Variants in ANKS1A observed in about 807,000 individuals in gnomAD.
ANKS1A encodes the protein ankyrin repeat and sterile alpha motif domain containing 1A.
In ANKS1A, 55 loss-of-function variants were observed where a neutral mutation model predicts 120.3. The ratio of observed to expected loss-of-function variants is 0.46; its 90% CI spans 0.37 to 0.57. ANKS1A has a LOEUF of 0.57. Ranked by LOEUF, ANKS1A falls within the 20% of genes least tolerant of loss-of-function variation. The pLI, the probability that ANKS1A is intolerant of heterozygous loss-of-function variation, is 0.00. For missense variants in ANKS1A, 1,123 were observed against 1,480.3 expected, an observed-to-expected ratio of 0.76 and a Z score of 3.96; for synonymous variants, 590 against 604.7, an observed-to-expected ratio of 0.98 and a Z score of 0.36.
chr6:34,898,845 G>T (rs1581662389), intron 1 of ANKS1A, among the ~76,000 whole-genome samples: 1 of 152,184 alleles, frequency 6.6e-6, no homozygotes, highest in Admixed American at 6.5e-5. Context: ...TTAAATGGAT[G>T]TGATATCCGT....
rs552186027 is a variant in ANKS1A at position 34,943,862 on chromosome 6, G to A, written c.198-23377G>A. On this transcript the variant is annotated intron_variant, in intron 1 of 23. Coordinates refer to ENST00000360359, the MANE Select transcript of ANKS1A (RefSeq NM_015245.3). ...ATGAATAGAGCTGCTATAAACATTT[G>A]TGTGCAAGTTTTGGTGCAGACATAA... is the stretch of plus-strand genomic sequence containing the variant. Among the ~76,000 whole-genome samples the A allele has an allele frequency of 5.6e-4, 85 of 152,326 alleles. No individual in the cohort carries two copies. The South Asian group carries it at 0.016, about 29-fold the overall frequency.
chr6:34,995,638 A>G (rs1252166526), intron 10 of ANKS1A, among the ~76,000 whole-genome samples: 1 of 152,178 alleles, frequency 6.6e-6, no homozygotes, highest in Non-Finnish European at 1.5e-5. Flanking sequence ...CTTTTCCAGA[A>G]TGTCATATAA....
chr6:34,986,335 AGG>A (rs933258327), intron 8 of ANKS1A, among the ~76,000 whole-genome samples: 14 of 152,262 alleles, frequency 9.2e-5, no homozygotes, highest in Non-Finnish European at 4.4e-5. Context: ...CTTCTCCCCT[AGG>A]GTTATGTTGG....
At chr6:35,015,932 C>T (rs1581648031) in intron 10 of ANKS1A, among the ~76,000 whole-genome samples, 1 of 152,200 alleles carries the variant, frequency 6.6e-6, no homozygotes, top group African/African-American at 2.4e-5. Context: ...GGCTTTGGGC[C>T]TTCAGGCATG....
intron 1 of ANKS1A, among the ~76,000 whole-genome samples, chr6:34,930,273 G>C (rs975921180): frequency 3.9e-5 from 6 of 152,148 alleles, no homozygotes; most frequent in African/African-American, 1.4e-4. Flanking sequence ...GGACTTAGAG[G>C]TGGTAGGTAC....
In ANKS1A at chr6:35,029,597, A is replaced by T. The variant is rs754335396; in HGVS notation, c.2010+11538A>T. On this transcript the variant is annotated intron_variant, in intron 11 of 23. Coordinates refer to ENST00000360359, the MANE Select transcript of ANKS1A (RefSeq NM_015245.3). ...ACTCCTGACCTCAGGTGATCCACCCACCTGGGCCTCCCAAATTGCTGGGAT... is the reference window on the plus strand; with the variant it reads ...ACTCCTGACCTCAGGTGATCCACCCTCCTGGGCCTCCCAAATTGCTGGGAT... 7.3e-5 allele frequency among the ~76,000 whole-genome samples: 11 copies of T among 151,518 alleles called. No individual in the cohort carries two copies. The East Asian group carries it at 2.1e-3, about 29-fold the overall frequency.
Position 34,982,006 on chromosome 6 carries a change from C to T in ANKS1A, c.732+20C>T, listed in dbSNP as rs921841616. On this transcript the variant is annotated intron_variant, in intron 4 of 23. Coordinates refer to ENST00000360359, the MANE Select transcript of ANKS1A (RefSeq NM_015245.3). The surrounding 1 kb of genome is among the most constrained non-coding windows in gnomAD (Gnocchi z 4.9). Reference sequence around the variant, plus strand: ...TACCAGGTAGCAGGGCGGGTGGGGGCTCCTCCAATCTCAAGAGACTCAGTC... The same window carrying T: ...TACCAGGTAGCAGGGCGGGTGGGGGTTCCTCCAATCTCAAGAGACTCAGTC... The T allele has an allele frequency of 2.4e-5, 38 of 1,610,784 alleles. No individual in the cohort carries two copies. The highest frequency in any genetic ancestry group is 3.2e-5 in the Non-Finnish European group (38 of 1,178,048).
At chr6:35,088,523 CTG>C (rs891878984) in intron 23 of ANKS1A, 81 bp from the exon 24 acceptor site, 14 of 1,567,426 alleles carry the variant, frequency 8.9e-6, no homozygotes, top group African/African-American at 6.8e-5. Context: ...CTGTCCTGCT[CTG>C]TGTTTCCTTT....
At chr6:35,025,248 G>GTA (rs1774556475) in intron 11 of ANKS1A, among the ~76,000 whole-genome samples, 1 of 150,810 alleles carries the variant, frequency 6.6e-6, no homozygotes, top group Middle Eastern at 3.4e-3. Flanking sequence ...TTATATATGT[G>GTA]TATACACACA....
Position 35,087,044 on chromosome 6 carries a change from C to T in ANKS1A, c.3396C>T (p.Ser1132=), listed in dbSNP as rs771823605. The T allele has an allele frequency of 1.2e-6, 2 of 1,613,986 alleles. No homozygotes were observed. The highest frequency in any genetic ancestry group is 2.2e-5 in the South Asian group (2 of 91,090). The part of the protein sequence containing the change: ...DPKPDSKRSL[S]TN ...AACCAGACTCTAAGCGGAGCCTCAG[C>T]ACCAAGTATGAGACCACTATCTTCT... The change falls in exon 23 of 24, where the codon AGC becomes AGT. Residue 1132 remains serine (S), a synonymous_variant. Transcript: ENST00000360359.
chr6:34,897,756 TC>T (rs1162254758), intron 1 of ANKS1A, among the ~76,000 whole-genome samples: 47 of 152,202 alleles, frequency 3.1e-4, no homozygotes, highest in African/African-American at 1.1e-3. Context: ...AATTTGTAGA[TC>T]AAGTTTGTTT....
intron 1 of ANKS1A, among the ~76,000 whole-genome samples, chr6:34,900,105 A>G (rs1767274027): frequency 6.6e-6 from 1 of 152,252 alleles, no homozygotes; most frequent in African/African-American, 2.4e-5. Flanking sequence ...CCTACACAAC[A>G]TGCCTGCAAG....
chr6:35,088,962 A>G lies in ANKS1A; in HGVS notation c.*353A>G. On this transcript the variant is annotated 3_prime_UTR_variant, in exon 24 of 24. Coordinates refer to ENST00000360359, the MANE Select transcript of ANKS1A (RefSeq NM_015245.3). ...TAGGTCATACTGCCAATCTTTAGAC[A>G]AATGGCCATGGGGCAGAGGACAGGG... 2.4e-6 allele frequency: 3 copies of G among 1,241,030 alleles called. No homozygotes were observed. The highest frequency in any genetic ancestry group is 6.8e-5 in the Admixed American group (2 of 29,356). 76.9% of individuals were successfully genotyped at this position (1,241,030 alleles called of 1,614,324 possible). A position where few individuals can be genotyped will look rare whatever the true frequency, so the allele number is the denominator to read the frequency against.
Position 35,086,017 on chromosome 6 carries a change from G to T in ANKS1A, c.3303+81G>T. On this transcript the variant is annotated intron_variant, in intron 22 of 23. Transcript: ENST00000360359. The surrounding 1 kb of genome is among the most constrained non-coding windows in gnomAD (Gnocchi z 5.1). Reference sequence around the variant, plus strand: ...GCTCAGGGTGGTCAGCGTGAGGAGGGTCTTCTGGCACTTCCAGAAAGCTGG... The same window carrying T: ...GCTCAGGGTGGTCAGCGTGAGGAGGTTCTTCTGGCACTTCCAGAAAGCTGG... The T allele has an allele frequency of 4.8e-6, 7 of 1,471,708 alleles. No individual in the cohort carries two copies. Among genetic ancestry groups the T allele is most frequent in the Non-Finnish European group, 5.4e-6 (6 of 1,114,766 alleles). The allele number at this position is 1,471,708 out of a possible 1,614,324, so 91.2% of individuals were successfully genotyped here.
rs1046962872 is a variant in ANKS1A at position 34,982,397 on chromosome 6, G to A, written c.733-355G>A. ...TCCCATTCAGATGAATAATTCCTTA[G>A]GTGTTGTGTTGACCAAACCACATTT... On this transcript the variant is annotated intron_variant, in intron 4 of 23. Coordinates refer to ENST00000360359, the MANE Select transcript of ANKS1A (RefSeq NM_015245.3). This position sits in a 1 kb window ranked among gnomAD's most constrained non-coding sequence, Gnocchi z 4.9. Among the ~76,000 whole-genome samples, 1 of 152,276 alleles carries A rather than the reference G, an allele frequency of 6.6e-6. No homozygotes were observed. The highest frequency in any genetic ancestry group is 2.4e-5 in the African/African-American group (1 of 41,554).
downstream of ANKS1A, among the ~76,000 whole-genome samples, chr6:35,095,847 TTATTGATCCTTGTAGCCA>T (rs571532424): frequency 3.0e-4 from 46 of 152,354 alleles, no homozygotes; most frequent in South Asian, 3.9e-3. Context: ...CCCACCGTTG[TTATTGATCCTTGTAGCCA>T]AGGATAATTA....
intron 11 of ANKS1A, among the ~76,000 whole-genome samples, chr6:35,021,590 A>T (rs908985696): frequency 2.0e-5 from 3 of 152,336 alleles, no homozygotes; most frequent in Middle Eastern, 6.8e-3. Flanking sequence ...AGTTCCTAGC[A>T]TGCATAAAGT....
At chr6:35,004,843 G>A (rs960935354) in intron 10 of ANKS1A, among the ~76,000 whole-genome samples, 6 of 152,208 alleles carry the variant, frequency 3.9e-5, no homozygotes, top group Non-Finnish European at 8.8e-5. Context: ...AAAGTGTGGT[G>A]TATATGATTC....
At chr6:35,039,192 C>CTTTTTTTTT (rs35565672) in intron 11 of ANKS1A, among the ~76,000 whole-genome samples, 7 of 83,802 alleles carry the variant, frequency 8.4e-5, no homozygotes, top group South Asian at 4.6e-4. Context: ...CTCCCTCATA[C>CTTTTTTTTT]TTTTTTTTTT....
Sources: gnomAD v4.1 joint callset for allele counts (sites outside exome capture counted in the v4.1 genomes callset) on GRCh38, gnomAD v4.1.1 for gene constraint, Gnocchi (gnomAD v3.1) non-coding constraint, MANE v1.5 for transcripts, NCBI Gene and HGNC (gene_info 2026-07-23, HGNC 2026-07-21) for gene names.